PCDHA1: variants seen among roughly 807,000 people sequenced by gnomAD.
PCDHA1 encodes protocadherin alpha-1.
PCDHA1 carries 42 observed loss-of-function variants against 61.3 expected under a neutral mutation model. That is an observed-to-expected ratio of 0.69 (90% CI 0.54 to 0.89). The LOEUF (loss-of-function observed/expected upper bound fraction) is 0.89, where lower values mean the gene tolerates loss of function less well. PCDHA1 is among the 40% of genes least tolerant of loss of function. The pLI is 0.00. For synonymous variants in PCDHA1, 610 were observed against 553.8 expected, an observed-to-expected ratio of 1.10 and a Z score of -1.43; for missense variants, 1,256 against 1,235.3, an observed-to-expected ratio of 1.02 and a Z score of -0.25.
chr5:140,873,518 A>G (rs2054336624), intron 1 of PCDHA1, among the ~76,000 whole-genome samples: 1 of 152,200 alleles, frequency 6.6e-6, no homozygotes, highest in Non-Finnish European at 1.5e-5. Context: ...CTTAATGCCA[A>G]GATTGCATTC....
intron 3 of PCDHA1, among the ~76,000 whole-genome samples, chr5:140,994,216 G>A (rs2097604981): frequency 6.6e-6 from 1 of 152,178 alleles, no homozygotes; most frequent in Non-Finnish European, 1.5e-5. Flanking sequence ...GGGACCCAGG[G>A]TCTGTCTATG....
intron 1 of PCDHA1, chr5:140,824,022 C>T (rs2150131609): frequency 6.2e-7 from 1 of 1,614,118 alleles, no homozygotes; most frequent in East Asian, 2.2e-5. Flanking sequence ...GCTGGTCGTA[C>T]TCGCAGCAGA....
chr5:140,860,471 C>T (rs566732753), intron 1 of PCDHA1: 1 of 152,040 alleles, frequency 6.6e-6, no homozygotes, highest in Admixed American at 6.6e-5. Context: ...ACAGTTGGTG[C>T]AGTAGTACTT....
chr5:140,874,587 T>A (rs1221042797), intron 1 of PCDHA1, among the ~76,000 whole-genome samples: 1 of 152,256 alleles, frequency 6.6e-6, no homozygotes, highest in Admixed American at 6.5e-5. Flanking sequence ...TGCTTTGGGA[T>A]AGTGTGAAAT....
rs1038128465 is a variant in PCDHA1 at position 140,787,554 on chromosome 5, G to A, written c.1264G>A (p.Glu422Lys). The change falls in exon 1 of 4, where the codon GAG becomes AAG. Residue 422 changes from glutamate to lysine, a missense_variant. Glu to Lys is a moderately conservative substitution (Grantham distance 56). Transcript: ENST00000504120. ...ALDRESLSVY[E>K]LVVTARDGGS... ...GGATCGCGAGAGCCTGTCGGTCTAT[G>A]AGCTGGTGGTGACCGCGCGGGACGG... 1.2e-6 allele frequency: 2 copies of A among 1,614,252 alleles called. No homozygotes were observed. The highest frequency in any genetic ancestry group is 1.7e-6 in the Non-Finnish European group (2 of 1,180,048).
intron 1 of PCDHA1, among the ~76,000 whole-genome samples, chr5:140,791,553 A>G (rs1406578522): frequency 3.3e-5 from 5 of 150,902 alleles, no homozygotes; most frequent in Non-Finnish European, 5.9e-5. Context: ...CATTAAGCTA[A>G]TATGAACCAG....
chr5:140,788,096 C>T lies in PCDHA1; in HGVS notation c.1806C>T (p.Gly602=). 1.2e-6 allele frequency: 2 copies of T among 1,613,996 alleles called. No individual in the cohort carries two copies. The highest frequency in any genetic ancestry group is 1.7e-6 in the Non-Finnish European group (2 of 1,179,908). ...TGCGCGCAGTGGACGCCGACTCGGGCTACAACGCGTGGCTGTCCTATGAAC... is the reference window on the plus strand; with the variant it reads ...TGCGCGCAGTGGACGCCGACTCGGGTTACAACGCGTGGCTGTCCTATGAAC... ...AKVRAVDADS[G]YNAWLSYELQ... The change falls in exon 1 of 4, where the codon GGC becomes GGT. Residue 602 remains glycine (G), a synonymous_variant. Coordinates refer to ENST00000504120, the MANE Select transcript of PCDHA1 (RefSeq NM_018900.4).
intron 1 of PCDHA1, chr5:140,856,153 C>T: frequency 1.3e-6 from 2 of 1,598,310 alleles, no homozygotes; most frequent in Non-Finnish European, 1.7e-6. Flanking sequence ...ACTCAGTCTA[C>T]GAGGAGGCCA....
intron 1 of PCDHA1, chr5:140,822,711 T>C: frequency 2.5e-6 from 4 of 1,610,926 alleles, no homozygotes; most frequent in Non-Finnish European, 3.4e-6. Flanking sequence ...ATGAAGACTA[T>C]AACTCATATG....
At chr5:140,914,033 G>A (rs1192515722) in intron 1 of PCDHA1, among the ~76,000 whole-genome samples, 1 of 152,138 alleles carries the variant, frequency 6.6e-6, no homozygotes, top group Non-Finnish European at 1.5e-5. Context: ...GTGCTGAGAA[G>A]AATGTGTATT....
At chr5:140,854,066 G>A (rs1554146981) in intron 1 of PCDHA1, 1 of 273,774 alleles carries the variant, frequency 3.7e-6, no homozygotes, top group Non-Finnish European at 5.6e-6. Context: ...GGAGGCTGAG[G>A]CGAGAGAATC....
chr5:140,881,257 C>A, intron 1 of PCDHA1: 1 of 512,564 alleles, frequency 2.0e-6, no homozygotes, highest in Non-Finnish European at 2.5e-6. Context: ...CAAGGTTTTA[C>A]TCAGTGATGA....
At chr5:140,795,656 A>T in intron 1 of PCDHA1, 1 of 1,614,148 alleles carries the variant, frequency 6.2e-7, no homozygotes. Context: ...ATACTTATTA[A>T]GGTATTAGAT....
chr5:140,966,792 C>A (rs1182470326), intron 1 of PCDHA1: 3 of 1,530,564 alleles, frequency 2.0e-6, no homozygotes, highest in Admixed American at 1.9e-5. Context: ...ACCAGACCTG[C>A]GGCGACAGAG....
chr5:140,981,033 GA>G (rs148859655), intron 2 of PCDHA1, among the ~76,000 whole-genome samples: 2 of 151,612 alleles, frequency 1.3e-5, no homozygotes, highest in Admixed American at 6.6e-5. Flanking sequence ...AATATTTGGG[GA>G]AAAAAAACAG....
chr5:140,908,596 T>C (rs1311064984), intron 1 of PCDHA1, among the ~76,000 whole-genome samples: 1 of 152,120 alleles, frequency 6.6e-6, no homozygotes, highest in African/African-American at 2.4e-5. Flanking sequence ...CTGCAGAAGA[T>C]GGAAGGGCCT....
chr5:140,886,828 A>G (rs74967108), intron 1 of PCDHA1, among the ~76,000 whole-genome samples: 4 of 133,052 alleles, frequency 3.0e-5, no homozygotes, highest in Non-Finnish European at 6.5e-5. Flanking sequence ...CTTCGTCTTG[A>G]AAAAAAAAAA....
At chr5:140,843,038 A>T in intron 1 of PCDHA1, 1 of 1,595,166 alleles carries the variant, frequency 6.3e-7, no homozygotes, top group Non-Finnish European at 8.6e-7. Flanking sequence ...GGTGGGTGGC[A>T]CTGGTGGCGC....
chr5:140,866,542 C>T (rs533433206), intron 1 of PCDHA1: 19 of 152,230 alleles, frequency 1.2e-4, no homozygotes, highest in African/African-American at 3.4e-4. Context: ...ATTAGCATCA[C>T]GGAATAAATC....
Sources: gnomAD v4.1 joint callset for allele counts (sites outside exome capture counted in the v4.1 genomes callset) on GRCh38, gnomAD v4.1.1 for gene constraint, MANE v1.5 for transcripts, NCBI Gene and HGNC (gene_info 2026-07-23, HGNC 2026-07-21) for gene names.